Variants in PXDNL observed in about 807,000 individuals in gnomAD.
PXDNL encodes peroxidasin like, also known as probable oxidoreductase PXDNL.
A neutral mutation model predicts 150.8 loss-of-function variants in PXDNL; 145 were observed. The ratio of observed to expected loss-of-function variants is 0.96; its 90% CI spans 0.84 to 1.10. The LOEUF (loss-of-function observed/expected upper bound fraction) is 1.10. Among genes scored for constraint, PXDNL ranks in the 50% least tolerant of loss-of-function variants. The probability of loss-of-function intolerance (pLI) is 0.00; values close to 1 mark genes in which losing one functional copy is unlikely to be tolerated. For synonymous variants in PXDNL, 757 were observed against 725.7 expected, an observed-to-expected ratio of 1.04 and a Z score of -0.69; for missense variants, 2,087 against 1,873.9, an observed-to-expected ratio of 1.11 and a Z score of -2.10.
At chr8:51,542,445 T>C (rs1410236875) in intron 4 of PXDNL, among the ~76,000 whole-genome samples, 1 of 150,512 alleles carries the variant, frequency 6.6e-6, no homozygotes, top group East Asian at 1.9e-4. Flanking sequence ...GGTAATAGAA[T>C]TAGATTAGAT....
chr8:51,489,305 T>G (rs553071732), intron 5 of PXDNL, among the ~76,000 whole-genome samples: 12 of 152,196 alleles, frequency 7.9e-5, no homozygotes, highest in Non-Finnish European at 1.6e-4. Context: ...TTATAAGATC[T>G]TATTTTTATT....
At chr8:51,387,051 T>C (rs2130826601) in intron 17 of PXDNL, among the ~76,000 whole-genome samples, 1 of 152,318 alleles carries the variant, frequency 6.6e-6, no homozygotes, top group South Asian at 2.1e-4. Flanking sequence ...ACTGTTCTAC[T>C]CTTTCACAGT....
At chr8:51,445,039 C>G (rs1809643534) in intron 12 of PXDNL, among the ~76,000 whole-genome samples, 2 of 152,006 alleles carry the variant, frequency 1.3e-5, no homozygotes, top group African/African-American at 4.8e-5. Context: ...CCCACCTCAG[C>G]CTCCCGAGTA....
At chr8:51,546,634 G>T (rs73586769) in intron 4 of PXDNL, among the ~76,000 whole-genome samples, 16,556 of 152,160 alleles carry the variant, frequency 0.11, 1,739 homozygotes, top group African/African-American at 0.26. Flanking sequence ...TGGGGTGGAG[G>T]GTGAACATGA....
chr8:51,360,820 A>G (rs1171077440), intron 19 of PXDNL, among the ~76,000 whole-genome samples: 1 of 152,138 alleles, frequency 6.6e-6, no homozygotes, highest in Non-Finnish European at 1.5e-5. Flanking sequence ...CTGTTTCTGT[A>G]CCTCACTTCT....
intron 2 of PXDNL, among the ~76,000 whole-genome samples, chr8:51,630,476 A>G (rs573535041): frequency 6.6e-6 from 1 of 152,316 alleles, no homozygotes; most frequent in South Asian, 2.1e-4. Context: ...AGCAAAATAA[A>G]GTATCAACAG....
At chr8:51,666,050 A>G (rs1193306968) in intron 1 of PXDNL, among the ~76,000 whole-genome samples, 1 of 152,198 alleles carries the variant, frequency 6.6e-6, no homozygotes, top group African/African-American at 2.4e-5. Flanking sequence ...ATATTTAGCA[A>G]TTTTGTTGCA....
At chr8:51,411,547 A>G (rs1808651007) in intron 15 of PXDNL, 140 bp from the exon 16 acceptor site, 1 of 713,498 alleles carries the variant, frequency 1.4e-6, no homozygotes, top group Non-Finnish European at 2.1e-6. Context: ...GAGGCTCTAC[A>G]GAGGAGCTGT....
At chr8:51,671,276 T>A (rs1346907331) in intron 1 of PXDNL, among the ~76,000 whole-genome samples, 6 of 152,226 alleles carry the variant, frequency 3.9e-5, no homozygotes, top group Admixed American at 3.9e-4. Context: ...GGTACACAAA[T>A]ACACATATTC....
intron 14 of PXDNL, among the ~76,000 whole-genome samples, chr8:51,421,974 G>A (rs1295783719): frequency 3.9e-5 from 6 of 152,104 alleles, no homozygotes; most frequent in African/African-American, 1.4e-4. Flanking sequence ...AGCAGGAGGC[G>A]AGCAGCAGGC....
chr8:51,332,413 C>T (rs556609826), intron 21 of PXDNL, among the ~76,000 whole-genome samples: 1 of 152,118 alleles, frequency 6.6e-6, no homozygotes, highest in African/African-American at 2.4e-5. Context: ...TATGACAACA[C>T]AAGGCTCATC....
rs781589832 is a variant in PXDNL, at chr8:51,320,854, T to C, written c.4190A>G (p.Asp1397Gly). 1.2e-5 allele frequency: 20 copies of C among 1,613,796 alleles called. No homozygotes were observed. The highest frequency in any genetic ancestry group is 1.4e-5 in the Non-Finnish European group (17 of 1,179,860). The change falls in exon 22 of 23, where the codon GAT (aspartate) becomes GGT (glycine). Residue 1397 changes from aspartate (D) to glycine (G), a missense_variant. Physicochemically the swap from Asp to Gly is moderately conservative, Grantham distance 94. Transcript: ENST00000356297. Reference protein sequence around the residue: ...EARLRQAGCTDVRGVPRKAEE... With the variant: ...EARLRQAGCTGVRGVPRKAEE... The stretch of plus-strand genomic sequence containing the variant: ...GGCCTTCCTTGGAACCCCTCTAACA[T>C]CTGTACACCCTGCCTGCCTCAGGCG...
chr8:51,347,955 C>T (rs1241732867), intron 19 of PXDNL, among the ~76,000 whole-genome samples: 3 of 152,066 alleles, frequency 2.0e-5, no homozygotes, highest in African/African-American at 4.8e-5. Context: ...AGAAAGTGAA[C>T]TTCAATCGTA....
chr8:51,458,592 A>G (rs1247342854), intron 8 of PXDNL, among the ~76,000 whole-genome samples: 3 of 152,218 alleles, frequency 2.0e-5, no homozygotes, highest in Non-Finnish European at 2.9e-5. Flanking sequence ...TTTGTCACCC[A>G]TAAAAACATC....
chr8:51,347,833 T>G (rs1008802826), intron 19 of PXDNL, among the ~76,000 whole-genome samples: 21 of 152,132 alleles, frequency 1.4e-4, no homozygotes, highest in African/African-American at 5.1e-4. Flanking sequence ...TTTCCCCTAC[T>G]GTTATGCTGT....
At chr8:51,740,683 T>C (rs151176733) in intron 1 of PXDNL, among the ~76,000 whole-genome samples, 1,525 of 152,360 alleles carry the variant, frequency 0.01, 21 homozygotes, top group African/African-American at 0.035. Context: ...GGTTGTTTTT[T>C]TTTCTTGTAA....
intron 10 of PXDNL, among the ~76,000 whole-genome samples, chr8:51,450,174 G>T (rs116064595): frequency 1.0e-3 from 153 of 152,304 alleles, no homozygotes; most frequent in African/African-American, 3.5e-3. Context: ...GGAGTGTTTT[G>T]TAACATGCTA....
chr8:51,465,054 T>C (rs1204997820), intron 8 of PXDNL, among the ~76,000 whole-genome samples: 1 of 152,086 alleles, frequency 6.6e-6, no homozygotes, highest in East Asian at 1.9e-4. Flanking sequence ...GCTCATTCTA[T>C]GAAGTGAATA....
At chr8:51,620,772 C>CT (rs1814235563) in intron 2 of PXDNL, among the ~76,000 whole-genome samples, 1 of 152,150 alleles carries the variant, frequency 6.6e-6, no homozygotes, top group Admixed American at 6.5e-5. Flanking sequence ...GTCTGAACTC[C>CT]TGAGCTCAGG....
Sources: allele counts gnomAD v4.1 joint callset (sites outside exome capture counted in the v4.1 genomes callset), GRCh38; gene constraint gnomAD v4.1.1; transcripts MANE v1.5; gene names NCBI Gene and HGNC (gene_info 2026-07-23, HGNC 2026-07-21).